The following SFI1 variants were observed in gnomAD, a reference collection of about 807,000 sequenced individuals.
The protein encoded by SFI1 is protein SFI1 homolog.
A neutral mutation model predicts 207.5 loss-of-function variants in SFI1; 195 were observed. The ratio of observed to expected loss-of-function variants is 0.94; its 90% CI spans 0.84 to 1.06. The LOEUF is 1.06. Ranked by LOEUF, SFI1 falls within the 50% of genes least tolerant of loss-of-function variation. The probability of loss-of-function intolerance (pLI) is 0.00; values close to 1 mark genes in which losing one functional copy is unlikely to be tolerated. For synonymous variants in SFI1, 630 were observed against 598.9 expected, an observed-to-expected ratio of 1.05 and a Z score of -0.76; for missense variants, 1,634 against 1,588.0, an observed-to-expected ratio of 1.03 and a Z score of -0.49.
In SFI1 at chr22:31,580,285, G is replaced by T. The variant is rs1344666267; in HGVS notation, c.1169G>T (p.Arg390Ile). Reference protein sequence around the residue: ...HRHSQLYFCFRALKDNVTHAH... With the variant: ...HRHSQLYFCFIALKDNVTHAH... ...TTCTTTGCACAGTATTTTTGCTTTAGAGCCCTAAAAGACAATGTGACCCAC... is the reference window on the plus strand; with the variant it reads ...TTCTTTGCACAGTATTTTTGCTTTATAGCCCTAAAAGACAATGTGACCCAC... Residue 390 changes from arginine (R) to isoleucine (I), a missense_variant, in exon 12 of 33, where the codon AGA becomes ATA. Arg to Ile is a moderately conservative substitution (Grantham distance 97). Transcript: ENST00000400288. 6.2e-7 allele frequency: 1 copy of T among 1,613,556 alleles called. No homozygotes were observed. The highest frequency in any genetic ancestry group is 8.5e-7 in the Non-Finnish European group (1 of 1,179,776).
At chr22:31,594,316 G>A (rs1569422759) in intron 15 of SFI1, among the ~76,000 whole-genome samples, 6 of 150,324 alleles carry the variant, frequency 4.0e-5, no homozygotes, top group South Asian at 2.1e-4. Flanking sequence ...TTGGGAGGCC[G>A]GAGCGGGCGG....
rs1029781980 is a variant in SFI1 at position 31,574,602 on chromosome 22, A to G, written c.923-629A>G. On this transcript the variant is annotated intron_variant, in intron 9 of 32. Transcript: ENST00000400288. ...AGTAAAACAGTCCTTTTTGAAAGTA[A>G]CAGTTTTCATTTCTGTTCATCAGTA... is the stretch of plus-strand genomic sequence containing the variant. 4.6e-5 allele frequency among the ~76,000 whole-genome samples: 7 copies of G among 152,306 alleles called. No homozygotes were observed. In the East Asian group the frequency reaches 9.6e-4, roughly 21 times the overall value.
At chr22:31,583,742 T>TG (rs200529010) in intron 12 of SFI1, 133 bp from the exon 13 acceptor site, 9,239 of 743,308 alleles carry the variant, frequency 0.012, 68 homozygotes, top group Non-Finnish European at 0.015. Flanking sequence ...TTAATTTGTA[T>TG]GCCCACTGTA....
At chr22:31,606,639 CAT>C (rs1322296699) in intron 21 of SFI1, 1 of 428,992 alleles carries the variant, frequency 2.3e-6, no homozygotes, top group Non-Finnish European at 4.2e-6. Flanking sequence ...TAAATAGAAA[CAT>C]AACACATCAT....
chr22:31,528,785 C>T lies in SFI1; in HGVS notation c.188C>T (p.Pro63Leu). 1 of 1,614,138 alleles carries T rather than the reference C, an allele frequency of 6.2e-7. No homozygotes were observed. The highest frequency in any genetic ancestry group is 8.5e-7 in the Non-Finnish European group (1 of 1,180,012). ...TCCTTTGGGATCCGGAGGGAGTTAC[C>T]TAGTACCAGTCATCTAGTGCAGTAT... ...SASFGIRRELPSTSHLVQYRG... is the reference protein window; with the variant it reads ...SASFGIRRELLSTSHLVQYRG... Residue 63 changes from proline (P) to leucine (L), a missense_variant, in exon 3 of 33, where the codon CCT (proline) becomes CTT (leucine). Pro to Leu is a moderately conservative substitution (Grantham distance 98, BLOSUM62 -3). Coordinates refer to ENST00000400288, the MANE Select transcript of SFI1 (RefSeq NM_001007467.3).
chr22:31,530,231 C>T (rs1386523584), intron 3 of SFI1, among the ~76,000 whole-genome samples: 3 of 136,360 alleles, frequency 2.2e-5, no homozygotes, highest in Admixed American at 7.8e-5. Flanking sequence ...TGGCTCACAC[C>T]TGTAATCCCA....
chr22:31,504,408 G>A (rs1203330718), intron 1 of SFI1, among the ~76,000 whole-genome samples: 1 of 152,132 alleles, frequency 6.6e-6, no homozygotes, highest in Non-Finnish European at 1.5e-5. Flanking sequence ...TTCCTTGTCT[G>A]ATTGTCATTG....
At chr22:31,537,515 TG>T (rs1161170835) in intron 4 of SFI1, among the ~76,000 whole-genome samples, 2 of 152,200 alleles carry the variant, frequency 1.3e-5, no homozygotes, top group South Asian at 2.1e-4. Context: ...CGCTCTTCAG[TG>T]GTAGGCGGGT....
Position 31,604,389 on chromosome 22 carries a change from G to A in SFI1, c.1962G>A (p.Ala654=), listed in dbSNP as rs769130658. The part of the protein sequence containing the change: ...LHHQHSVLHR[A]LQAWVTYQGR... ...ACCAGCACAGCGTGCTGCACAGGGC[G>A]CTGCAGGCATGGGTGGTAGGAACTG... Residue 654 remains alanine, a synonymous_variant, in exon 19 of 33, where the codon GCG becomes GCA. Coordinates refer to ENST00000400288, the MANE Select transcript of SFI1 (RefSeq NM_001007467.3). 12 of 1,548,438 alleles carry A rather than the reference G, an allele frequency of 7.7e-6. No individual in the cohort carries two copies. The highest frequency in any genetic ancestry group is 3.7e-4 in the Middle Eastern group (2 of 5,470).
chr22:31,516,911 G>A (rs971028113), intron 2 of SFI1, among the ~76,000 whole-genome samples: 4 of 151,602 alleles, frequency 2.6e-5, no homozygotes, highest in Middle Eastern at 3.4e-3. Context: ...CCGAGATTGC[G>A]CCATTGCACT....
chr22:31,575,488 A>G (rs1230294705), intron 10 of SFI1, 96 bp downstream of exon 10: 2 of 1,305,430 alleles, frequency 1.5e-6, no homozygotes, highest in Non-Finnish European at 2.0e-6. Flanking sequence ...CATGGGAAAC[A>G]ATTGCCAAAC....
At chr22:31,603,844 C>T in intron 18 of SFI1, 25 bp downstream of exon 18, 2 of 1,572,388 alleles carry the variant, frequency 1.3e-6, no homozygotes, top group Non-Finnish European at 1.7e-6. Flanking sequence ...CGAGGTGCCA[C>T]CCGTGTATGA....
At chr22:31,500,877 A>G (rs1208845194) in intron 1 of SFI1, among the ~76,000 whole-genome samples, 1 of 142,786 alleles carries the variant, frequency 7.0e-6, no homozygotes, top group Non-Finnish European at 1.5e-5. Flanking sequence ...TCGGCTTGCT[A>G]CAACCTCCGT....
intron 6 of SFI1, among the ~76,000 whole-genome samples, chr22:31,550,909 A>G (rs1262595968): frequency 1.3e-5 from 2 of 152,328 alleles, no homozygotes; most frequent in Non-Finnish European, 1.5e-5. Flanking sequence ...CAAACTCTGC[A>G]AGTCACAAGT....
At chr22:31,614,767 C>T (rs776861889) in intron 27 of SFI1, 22 bp from the exon 28 acceptor site, 4 of 1,613,376 alleles carry the variant, frequency 2.5e-6, no homozygotes, top group African/African-American at 1.3e-5. Context: ...CCCAGGGGAA[C>T]AGACCCCATG....
rs753593069 is a variant in SFI1 at position 31,618,268 on chromosome 22, C to T, written c.3624+42C>T. The T allele has an allele frequency of 8.1e-6, 13 of 1,601,414 alleles. 1 individual carries two copies. The highest frequency in any genetic ancestry group is 4.5e-5 in the South Asian group (4 of 89,252). On this transcript the variant is annotated intron_variant, in intron 32 of 32. Coordinates refer to ENST00000400288, the MANE Select transcript of SFI1 (RefSeq NM_001007467.3). ...TCCCCAGGTGTCCCTGGGGACGCCC[C>T]GGGCTGTGCTCCCTCTCAGCCCTGC...
chr22:31,587,863 A>G (rs1388213497), intron 14 of SFI1: 1 of 152,214 alleles, frequency 6.6e-6, no homozygotes, highest in Non-Finnish European at 1.5e-5. Flanking sequence ...GGAAGTATAA[A>G]AAGATATAAA....
At position 31,580,310 on chromosome 22, in the gene SFI1, C is replaced by T. The variant is rs373790208; in HGVS notation, c.1194C>T (p.His398=). ...GAGCCCTAAAAGACAATGTGACCCA[C>T]GCTCATCTCCAGCAAATAAGAAGGA... ...CFRALKDNVT[H]AHLQQIRRNL... Residue 398 remains histidine (H), a synonymous_variant, in exon 12 of 33, where the codon CAC becomes CAT. Transcript: ENST00000400288. 2.8e-5 allele frequency: 46 copies of T among 1,614,042 alleles called. No individual in the cohort carries two copies. Among genetic ancestry groups the T allele is most frequent in the East Asian group, 6.7e-5 (3 of 44,882 alleles).
intron 5 of SFI1, among the ~76,000 whole-genome samples, chr22:31,549,288 TAAAAAAAAAA>T (rs59382278): frequency 0.014 from 523 of 37,224 alleles, 12 homozygotes; most frequent in African/African-American, 0.062. Context: ...AGACCCTGTG[TAAAAAAAAAA>T]AAAAAAAAAA....
Sources: allele counts gnomAD v4.1 joint callset (sites outside exome capture counted in the v4.1 genomes callset), GRCh38; gene constraint gnomAD v4.1.1; transcripts MANE v1.5; gene names NCBI Gene and HGNC (gene_info 2026-07-23, HGNC 2026-07-21).